GNA14: variants seen among roughly 807,000 people sequenced by gnomAD.
The protein encoded by GNA14 is guanine nucleotide-binding protein subunit alpha-14.
A neutral mutation model predicts 42.0 loss-of-function variants in GNA14; 50 were observed. The observed-to-expected ratio is 1.19, with a 90% confidence interval of 0.95 to 1.51. The LOEUF (loss-of-function observed/expected upper bound fraction) is 1.51. GNA14 is among the 40% of genes most tolerant of loss of function. GNA14 has a pLI of 0.00. For missense variants in GNA14, 473 were observed against 446.2 expected (o/e 1.06, Z -0.54); for synonymous variants, 173 against 163.1 (o/e 1.06, Z -0.46).
chr9:77,424,523 C>G (rs970811369), intron 6 of GNA14, among the ~76,000 whole-genome samples: 1 of 152,118 alleles, frequency 6.6e-6, no homozygotes, highest in Non-Finnish European at 1.5e-5. Flanking sequence ...GTGCCTGGCC[C>G]CAAGAACCAT....
rs181703196 is a variant in GNA14 at position 77,476,951 on chromosome 9, C to T, written c.310-42429G>A. ...CAGGGAAAGACTGCATGAGTAACAG[C>T]TGAGTTTCCACCCTTCACAATCATT... On this transcript the variant is annotated intron_variant, in intron 2 of 6. Coordinates refer to ENST00000341700, the MANE Select transcript of GNA14 (RefSeq NM_004297.4). Among the ~76,000 whole-genome samples, 26 of 152,336 alleles carry T rather than the reference C, an allele frequency of 1.7e-4. No individual in the cohort carries two copies. In the East Asian group the frequency reaches 4.8e-3, roughly 28 times the overall value.
intron 1 of GNA14, among the ~76,000 whole-genome samples, chr9:77,630,441 G>A (rs756671234): frequency 1.3e-5 from 2 of 152,062 alleles, no homozygotes; most frequent in Admixed American, 6.5e-5. Flanking sequence ...TTATTTAATC[G>A]ATCTACCAGA....
intron 2 of GNA14, among the ~76,000 whole-genome samples, chr9:77,477,594 T>C (rs1425952469): frequency 2.0e-5 from 3 of 152,284 alleles, no homozygotes; most frequent in African/African-American, 7.2e-5. Context: ...TCCTCTTTTA[T>C]AGTGCCTTGC....
intron 4 of GNA14, among the ~76,000 whole-genome samples, chr9:77,430,933 G>C (rs1274078393): frequency 2.0e-5 from 3 of 151,470 alleles, no homozygotes; most frequent in Non-Finnish European, 4.4e-5. Context: ...TCTTGGAGAA[G>C]GAAATAGAGG....
At chr9:77,589,942 A>C in intron 1 of GNA14, among the ~76,000 whole-genome samples, 1 of 152,150 alleles carries the variant, frequency 6.6e-6, no homozygotes, top group East Asian at 1.9e-4. Context: ...TTTGAGATAG[A>C]GTCTTGCTCT....
chr9:77,560,511 T>TG (rs1822865056), intron 1 of GNA14, among the ~76,000 whole-genome samples: 1 of 152,090 alleles, frequency 6.6e-6, no homozygotes, highest in African/African-American at 2.4e-5. Flanking sequence ...AGATTGGGTT[T>TG]TCCCATGTTG....
intron 1 of GNA14, among the ~76,000 whole-genome samples, chr9:77,554,942 G>A (rs1007846960): frequency 6.6e-5 from 10 of 152,320 alleles, no homozygotes; most frequent in South Asian, 2.1e-4. Flanking sequence ...ATAACAAAAC[G>A]TTGGTGGATG....
intron 2 of GNA14, among the ~76,000 whole-genome samples, chr9:77,508,452 A>C (rs944467848): frequency 6.6e-6 from 1 of 152,306 alleles, no homozygotes; most frequent in Admixed American, 6.5e-5. Flanking sequence ...TTAAAATTGG[A>C]GACGACTGAT....
intron 1 of GNA14, among the ~76,000 whole-genome samples, chr9:77,616,576 C>T (rs1254641009): frequency 6.6e-6 from 1 of 152,192 alleles, no homozygotes; most frequent in Admixed American, 6.5e-5. Flanking sequence ...GTATTACACA[C>T]GAGGTACAGG....
chr9:77,472,024 C>A (rs760263722), intron 2 of GNA14, among the ~76,000 whole-genome samples: 3 of 152,122 alleles, frequency 2.0e-5, no homozygotes, highest in Non-Finnish European at 4.4e-5. Context: ...CAGGCTAATT[C>A]TCTTGGAGTT....
intron 1 of GNA14, among the ~76,000 whole-genome samples, chr9:77,599,762 G>A (rs1353797149): frequency 6.6e-6 from 1 of 152,156 alleles, no homozygotes; most frequent in Non-Finnish European, 1.5e-5. Context: ...ATTTCTCCTA[G>A]TGAGACATCC....
intron 1 of GNA14, among the ~76,000 whole-genome samples, chr9:77,645,849 T>C (rs1824343043): frequency 6.6e-6 from 1 of 152,136 alleles, no homozygotes; most frequent in Non-Finnish European, 1.5e-5. Flanking sequence ...ATCAAAGCAT[T>C]GCAAAATGAA....
chr9:77,501,964 C>T (rs1331427892), intron 2 of GNA14, among the ~76,000 whole-genome samples: 1 of 152,110 alleles, frequency 6.6e-6, no homozygotes, highest in Non-Finnish European at 1.5e-5. Flanking sequence ...GCCTCAGCCT[C>T]CCAAAGTGCT....
At chr9:77,537,685 T>TAC (rs1245365057) in intron 1 of GNA14, among the ~76,000 whole-genome samples, 1 of 152,254 alleles carries the variant, frequency 6.6e-6, no homozygotes, top group Non-Finnish European at 1.5e-5. Flanking sequence ...TATATTAGTT[T>TAC]ACATTCCCAC....
At chr9:77,455,223 C>A (rs1288989991) in intron 2 of GNA14, among the ~76,000 whole-genome samples, 1 of 152,336 alleles carries the variant, frequency 6.6e-6, no homozygotes, top group East Asian at 1.9e-4. Flanking sequence ...CTCTCAGCTC[C>A]TAGAGGCTGC....
chr9:77,452,916 G>A (rs1177957077), intron 2 of GNA14, among the ~76,000 whole-genome samples: 1 of 151,778 alleles, frequency 6.6e-6, no homozygotes, highest in African/African-American at 2.4e-5. Context: ...AGGACTGCTT[G>A]ACGCCAGGAG....
chr9:77,540,005 T>G (rs937647495), intron 1 of GNA14, among the ~76,000 whole-genome samples: 4 of 152,150 alleles, frequency 2.6e-5, no homozygotes, highest in Non-Finnish European at 4.4e-5. Context: ...GCTCTGATCT[T>G]TATTATTTCT....
At chr9:77,462,805 C>T (rs1017090138) in intron 2 of GNA14, among the ~76,000 whole-genome samples, 1 of 152,132 alleles carries the variant, frequency 6.6e-6, no homozygotes, top group Admixed American at 6.5e-5. Context: ...ATCTCCCTCA[C>T]CACCATCCCT....
intron 1 of GNA14, among the ~76,000 whole-genome samples, chr9:77,588,379 T>C (rs992661810): frequency 6.6e-6 from 1 of 152,106 alleles, no homozygotes; most frequent in Non-Finnish European, 1.5e-5. Context: ...GTATTTTGAA[T>C]GAAGAATGTG....
Sources: gnomAD v4.1 joint callset for allele counts (sites outside exome capture counted in the v4.1 genomes callset) on GRCh38, gnomAD v4.1.1 for gene constraint, MANE v1.5 for transcripts, NCBI Gene and HGNC (gene_info 2026-07-23, HGNC 2026-07-21) for gene names.